The following AKAP9 variants were observed in gnomAD, a reference collection of about 807,000 sequenced individuals.
The protein encoded by AKAP9 is A-kinase anchor protein 9.
Under a neutral mutation model 488.5 loss-of-function variants are expected in AKAP9, and 311 were observed. The ratio of observed to expected loss-of-function variants is 0.64; its 90% CI spans 0.58 to 0.70. AKAP9 has a LOEUF of 0.70. Ranked by LOEUF, AKAP9 falls within the 30% of genes least tolerant of loss-of-function variation. The probability of loss-of-function intolerance (pLI) is 0.00; values close to 1 mark genes in which losing one functional copy is unlikely to be tolerated. For synonymous variants in AKAP9, 1,462 were observed against 1,483.5 expected (o/e 0.99, Z 0.33); for missense variants, 4,215 against 4,374.5 (o/e 0.96, Z 1.03).
Position 91,992,211 on chromosome 7 carries a change from G to T in AKAP9, c.405G>T (p.Arg135Ser). Reference protein sequence around the residue: ...MRTGKPTNLLREEEFGVDDSY... With the variant: ...MRTGKPTNLLSEEEFGVDDSY... ...CAGGAAAGCCTACAAATTTATTAAGGGTACAGTATTTAAAACTACTTGTGA... is the reference window on the plus strand; with the variant it reads ...CAGGAAAGCCTACAAATTTATTAAGTGTACAGTATTTAAAACTACTTGTGA... Residue 135 changes from arginine to serine, a missense_variant and splice_region_variant, in exon 4 of 50, where the codon AGG becomes AGT. Coordinates refer to ENST00000356239, the MANE Select transcript of AKAP9 (RefSeq NM_005751.5). The T allele has an allele frequency of 6.2e-7, 1 of 1,603,612 alleles. No individual in the cohort carries two copies. Among genetic ancestry groups the T allele is most frequent in the Non-Finnish European group, 8.5e-7 (1 of 1,170,768 alleles).
chr7:92,062,235 T>C (rs1382088001), intron 23 of AKAP9, 39 bp from the exon 24 acceptor site: 2 of 1,550,384 alleles, frequency 1.3e-6, no homozygotes, highest in Non-Finnish European at 1.8e-6. Context: ...GAATTTGAAA[T>C]GAATAATAGT....
rs143330336 is a variant in AKAP9 at position 92,085,220 on chromosome 7, A to G, written c.8833-275A>G. On this transcript the variant is annotated intron_variant, in intron 35 of 49. Coordinates refer to ENST00000356239, the MANE Select transcript of AKAP9 (RefSeq NM_005751.5). ...TCTCAAAGAGTAGAAGTTAGAGCCC[A>G]TGTATTTATTTTGGTCAAATCAGTA... Among the ~76,000 whole-genome samples the G allele has an allele frequency of 1.7e-3, 261 of 152,308 alleles. 2 individuals are homozygous for G. Among genetic ancestry groups the G allele is most frequent in the African/African-American group, 5.9e-3 (244 of 41,568 alleles).
chr7:92,095,055 A>G lies in AKAP9; in HGVS notation c.9611A>G (p.His3204Arg), dbSNP rs896987052. The change falls in exon 40 of 50, where the codon CAT becomes CGT. Residue 3204 changes from histidine to arginine, a missense_variant. This residue lies in a region of AKAP9 where 1,476 missense variants were observed against 1,477.4 expected (regional missense o/e 1.00). Transcript: ENST00000356239. ...LEVKDKTDEV[H>R]LLNDTLASEQ... ...GTTAAAGATAAGACAGATGAAGTAC[A>G]TTTGCTTAATGACACATTAGCAAGT... 3.1e-6 allele frequency: 5 copies of G among 1,614,086 alleles called. No individual in the cohort carries two copies. The African/African-American group carries it at 4.0e-5, about 13-fold the overall frequency.
chr7:92,089,583 T>G, intron 38 of AKAP9, 54 bp downstream of exon 38: 1 of 1,551,794 alleles, frequency 6.4e-7, no homozygotes, highest in South Asian at 1.2e-5. Context: ...AAGATTTCAC[T>G]TTGTTTTCTT....
intron 22 of AKAP9, among the ~76,000 whole-genome samples, chr7:92,059,480 G>GT (rs1295200400): frequency 6.6e-6 from 1 of 151,570 alleles, no homozygotes; most frequent in Non-Finnish European, 1.5e-5. Flanking sequence ...TTCTCTTGTG[G>GT]TTTTATGATA....
chr7:92,037,455 A>G lies in AKAP9; in HGVS notation c.4339-964A>G, dbSNP rs549263447. On this transcript the variant is annotated intron_variant, in intron 16 of 49. Transcript: ENST00000356239. ...AGATCAGTAAATACAAATATTTCTA[A>G]TCCCAGGCATACTTTATTCTGGGTT... is the stretch of plus-strand genomic sequence containing the variant. Among the ~76,000 whole-genome samples, 76 of 152,294 alleles carry G rather than the reference A, an allele frequency of 5.0e-4. 1 individual carries two copies. Among genetic ancestry groups the G allele is most frequent in the African/African-American group, 1.8e-3 (73 of 41,562 alleles).
At chr7:92,062,707 A>C (rs561991951) in intron 24 of AKAP9, among the ~76,000 whole-genome samples, 6 of 152,276 alleles carry the variant, frequency 3.9e-5, no homozygotes, top group African/African-American at 1.4e-4. Context: ...TGTTAACAGG[A>C]AAAGATAGTT....
At chr7:92,085,810 C>T (rs575607841) in intron 36 of AKAP9, 124 bp downstream of exon 36, 90 of 773,206 alleles carry the variant, frequency 1.2e-4, no homozygotes, top group Non-Finnish European at 1.6e-4. Flanking sequence ...TATATTTTCA[C>T]ACTTGAAACT....
In AKAP9 at chr7:92,033,442, C is replaced by CTTTTTTTTTTTTTT. The variant is rs35497475; in HGVS notation, c.4338+1846_4338+1859dup. On this transcript the variant is annotated intron_variant, in intron 16 of 49. Transcript: ENST00000356239. ...AGCCATTTTTCTTTTCTTTTCTTTT[C>CTTTTTTTTTTTTTT]TTTTTTTTTTTTTTTTTTTTTGAGA... Among the ~76,000 whole-genome samples the CTTTTTTTTTTTTTT allele has an allele frequency of 2.0e-4, 22 of 107,318 alleles. 1 individual carries two copies. Among genetic ancestry groups the CTTTTTTTTTTTTTT allele is most frequent in the South Asian group, 6.2e-4 (2 of 3,210 alleles). 70.4% of individuals were successfully genotyped at this position (107,318 alleles called of 152,430 possible).
Position 92,095,012 on chromosome 7 carries a change from T to C in AKAP9, c.9579-11T>C. On this transcript the variant is annotated splice_polypyrimidine_tract_variant and intron_variant, in intron 39 of 49. Transcript: ENST00000356239. ...TAGCTTTATGGAAATTCATTTGTCTTTCTGACTTAGGTTGGAAGTTAAAGA... is the reference window on the plus strand; with the variant it reads ...TAGCTTTATGGAAATTCATTTGTCTCTCTGACTTAGGTTGGAAGTTAAAGA... 1 of 1,613,624 alleles carries C rather than the reference T, an allele frequency of 6.2e-7. No homozygotes were observed. The highest frequency in any genetic ancestry group is 8.5e-7 in the Non-Finnish European group (1 of 1,179,546).
At chr7:92,035,314 G>C (rs543827959) in intron 16 of AKAP9, among the ~76,000 whole-genome samples, 1 of 152,164 alleles carries the variant, frequency 6.6e-6, no homozygotes, top group Admixed American at 6.5e-5. Flanking sequence ...TTTGTGGTCT[G>C]GCAAAATACC....
At chr7:91,947,500 A>T (rs1405041138) in intron 1 of AKAP9, among the ~76,000 whole-genome samples, 1 of 151,620 alleles carries the variant, frequency 6.6e-6, no homozygotes, top group East Asian at 1.9e-4. Context: ...CCACCACCAC[A>T]CCCGGCTAGG....
chr7:92,000,676 G>A (rs1029495042), intron 7 of AKAP9, among the ~76,000 whole-genome samples, 172 bp from the exon 8 acceptor site: 6 of 152,136 alleles, frequency 3.9e-5, no homozygotes, highest in African/African-American at 1.4e-4. Flanking sequence ...TTGGTTACAC[G>A]AGTTCTAAGT....
At chr7:91,969,361 A>T (rs1794781027) in intron 1 of AKAP9, among the ~76,000 whole-genome samples, 1 of 152,198 alleles carries the variant, frequency 6.6e-6, no homozygotes, top group South Asian at 2.1e-4. Context: ...AATGCTCCAT[A>T]TACTGATGAA....
At chr7:92,055,573 G>A (rs1270068873) in intron 22 of AKAP9, among the ~76,000 whole-genome samples, 1 of 152,056 alleles carries the variant, frequency 6.6e-6, no homozygotes, top group Non-Finnish European at 1.5e-5. Context: ...ACTCTATGCT[G>A]CAAATTAATA....
intron 1 of AKAP9, among the ~76,000 whole-genome samples, chr7:91,963,482 T>TCACACACACACACACA (rs56800758): frequency 4.7e-4 from 66 of 139,316 alleles, no homozygotes; most frequent in Admixed American, 2.7e-3. Flanking sequence ...AACATATTTG[T>TCACACACACACACACA]CACACACACA....
In AKAP9 at chr7:92,012,489, C is replaced by T. The variant is rs1562978382; in HGVS notation, c.3379C>T (p.His1127Tyr). ...RICLSLVYSTHVDQVREYMEN... is the reference protein window; with the variant it reads ...RICLSLVYSTYVDQVREYMEN... ...TTGCCTCTCTCTGGTTTATTCAACTCATGTGGATCAGGTTCGTGAATATAT... is the reference window on the plus strand; with the variant it reads ...TTGCCTCTCTCTGGTTTATTCAACTTATGTGGATCAGGTTCGTGAATATAT... Residue 1127 changes from histidine (H) to tyrosine (Y), a missense_variant, in exon 9 of 50, where the codon CAT becomes TAT. By Grantham distance (83) the His-to-Tyr change is moderately conservative. Around this residue, in one of 5 missense-constraint regions of AKAP9, gnomAD observed 2,361 missense variants for 2,430.0 expected, o/e 0.97. Transcript: ENST00000356239. 1.2e-6 allele frequency: 2 copies of T among 1,614,008 alleles called. No individual in the cohort carries two copies. The highest frequency in any genetic ancestry group is 2.2e-5 in the South Asian group (2 of 91,076).
intron 13 of AKAP9, among the ~76,000 whole-genome samples, 163 bp downstream of exon 13, chr7:92,022,515 T>C (rs1321620457): frequency 6.6e-6 from 1 of 152,218 alleles, no homozygotes; most frequent in African/African-American, 2.4e-5. Context: ...TTGGACTACT[T>C]TCTATTTGGT....
intron 1 of AKAP9, among the ~76,000 whole-genome samples, chr7:91,943,218 A>G (rs1268692253): frequency 6.6e-6 from 1 of 152,086 alleles, no homozygotes; most frequent in Non-Finnish European, 1.5e-5. Flanking sequence ...ACAAACAAAA[A>G]AAAACCCCTG....
Sources: gnomAD v4.1 joint callset for allele counts (sites outside exome capture counted in the v4.1 genomes callset) on GRCh38, gnomAD v4.1.1 for gene constraint, gnomAD v4.1.1 regional missense constraint, MANE v1.5 for transcripts, NCBI Gene and HGNC (gene_info 2026-07-23, HGNC 2026-07-21) for gene names.